Variants in HEATR3 observed in about 807,000 individuals in gnomAD.
HEATR3 encodes the protein HEAT repeat-containing protein 3.
In HEATR3, 56 loss-of-function variants were observed where a neutral mutation model predicts 72.8. The ratio of observed to expected loss-of-function variants is 0.77; its 90% CI spans 0.62 to 0.96. The LOEUF is 0.96. Among genes scored for constraint, HEATR3 ranks in the 40% least tolerant of loss-of-function variants. HEATR3 has a pLI of 0.00. For synonymous variants in HEATR3, 331 were observed against 318.1 expected (o/e 1.04, Z -0.43); for missense variants, 747 against 831.4 (o/e 0.90, Z 1.25).
At chr16:50,092,262 C>T (rs907605804) in intron 11 of HEATR3, among the ~76,000 whole-genome samples, 23 of 151,682 alleles carry the variant, frequency 1.5e-4, no homozygotes, top group African/African-American at 4.4e-4. Context: ...TGCTTGAGCC[C>T]GGGAGGTCCA....
At chr16:50,075,257 T>C (rs1328981520) in intron 5 of HEATR3, among the ~76,000 whole-genome samples, 2 of 144,350 alleles carry the variant, frequency 1.4e-5, no homozygotes, top group African/African-American at 5.2e-5. Flanking sequence ...GCAGAGGTTG[T>C]AGTGAGCTGA....
At chr16:50,095,940 C>T (rs886757902) in intron 12 of HEATR3, among the ~76,000 whole-genome samples, 6 of 152,208 alleles carry the variant, frequency 3.9e-5, no homozygotes, top group South Asian at 4.1e-4. Context: ...TCCAAATTAA[C>T]GGATATTTCT....
chr16:50,070,429 G>T (rs1344151611), intron 4 of HEATR3, 139 bp downstream of exon 4: 1 of 383,996 alleles, frequency 2.6e-6, no homozygotes, highest in African/African-American at 2.1e-5. Flanking sequence ...GCCGGACATG[G>T]TGGCTCATGC....
intron 7 of HEATR3, among the ~76,000 whole-genome samples, chr16:50,081,177 C>T (rs917065429): frequency 3.3e-5 from 5 of 152,162 alleles, no homozygotes; most frequent in African/African-American, 9.7e-5. Context: ...TGGTGGCTCA[C>T]GCCTATAATC....
chr16:50,080,904 C>T (rs186583335), intron 7 of HEATR3, among the ~76,000 whole-genome samples: 41 of 152,260 alleles, frequency 2.7e-4, no homozygotes, highest in African/African-American at 9.4e-4. Context: ...GATCTGAAAT[C>T]CCTTGCTGGG....
chr16:50,090,502 TATAAC>T (rs2150616801), intron 11 of HEATR3, among the ~76,000 whole-genome samples: 1 of 152,320 alleles, frequency 6.6e-6, no homozygotes, highest in Admixed American at 6.5e-5. Flanking sequence ...ATACAGTAGT[TATAAC>T]ATTTGTGATA....
At chr16:50,094,453 C>T (rs1017764689) in intron 11 of HEATR3, among the ~76,000 whole-genome samples, 2 of 152,206 alleles carry the variant, frequency 1.3e-5, no homozygotes, top group Non-Finnish European at 2.9e-5. Flanking sequence ...GTCTGGAAGT[C>T]AAGGACTGTC....
At chr16:50,102,149 C>G in intron 13 of HEATR3, 110 bp from the exon 14 acceptor site, 2 of 817,462 alleles carry the variant, frequency 2.4e-6, no homozygotes, top group Non-Finnish European at 1.9e-6. Flanking sequence ...TTTAATTTTT[C>G]CCTGGCATTT....
chr16:50,091,057 C>T (rs2037098210), intron 11 of HEATR3, among the ~76,000 whole-genome samples: 1 of 151,626 alleles, frequency 6.6e-6, no homozygotes, highest in Non-Finnish European at 1.5e-5. Flanking sequence ...GACAGGAGAA[C>T]TCCTTGAACC....
chr16:50,072,810 T>C (rs1567426808), intron 5 of HEATR3, 96 bp downstream of exon 5: 2 of 764,586 alleles, frequency 2.6e-6, no homozygotes, highest in Non-Finnish European at 4.6e-6. Context: ...GGAGTGATTT[T>C]TTGTTTCGTT....
At chr16:50,074,428 C>T (rs1401491025) in intron 5 of HEATR3, 1 of 151,924 alleles carries the variant, frequency 6.6e-6, no homozygotes, top group Non-Finnish European at 1.5e-5. Flanking sequence ...CAACCTCCGC[C>T]TCCCGGGTTC....
At chr16:50,085,772 A>G (rs1379443295) in intron 10 of HEATR3, among the ~76,000 whole-genome samples, 4 of 152,162 alleles carry the variant, frequency 2.6e-5, no homozygotes, top group Non-Finnish European at 5.9e-5. Flanking sequence ...AGTTCACCTT[A>G]TAATTCTAGC....
At position 50,086,363 on chromosome 16, in the gene HEATR3, T is replaced by C; in HGVS notation, c.1510+12T>C. The C allele has an allele frequency of 6.2e-7, 1 of 1,602,300 alleles. No homozygotes were observed. Among genetic ancestry groups the C allele is most frequent in the South Asian group, 1.1e-5 (1 of 89,010 alleles). On this transcript the variant is annotated intron_variant, in intron 11 of 14. Coordinates refer to ENST00000299192, the MANE Select transcript of HEATR3 (RefSeq NM_182922.4). ...TTTTTCTCAACCAGGTATTTAGACT[T>C]TATTGCGAAAGACTACGCAGACGGA...
At chr16:50,088,556 G>T (rs1174613340) in intron 11 of HEATR3, among the ~76,000 whole-genome samples, 1 of 152,210 alleles carries the variant, frequency 6.6e-6, no homozygotes, top group East Asian at 1.9e-4. Context: ...TCGTCAGTGT[G>T]AGCAGACCAG....
Position 50,066,035 on chromosome 16 carries a change from T to A in HEATR3, c.-97T>A. 8.4e-7 allele frequency: 1 copy of A among 1,189,328 alleles called. No homozygotes were observed. Among genetic ancestry groups the A allele is most frequent in the African/African-American group, 1.7e-5 (1 of 58,802 alleles). The allele number at this position is 1,189,328 out of a possible 1,614,324, so 73.7% of individuals were successfully genotyped here. Reference sequence around the variant, plus strand: ...TGCTGCAGCCGTCAGCCGGCCCAGCTGAGCAGCAGCAACGGACCTTGTTAA... The same window carrying A: ...TGCTGCAGCCGTCAGCCGGCCCAGCAGAGCAGCAGCAACGGACCTTGTTAA... On this transcript the variant is annotated 5_prime_UTR_variant, in exon 1 of 15. It removes the in-frame stop codon of an upstream open reading frame in the 5' UTR. Transcript: ENST00000299192.
intron 7 of HEATR3, among the ~76,000 whole-genome samples, chr16:50,080,970 G>T (rs1183416520): frequency 6.6e-6 from 1 of 152,174 alleles, no homozygotes; most frequent in Non-Finnish European, 1.5e-5. Flanking sequence ...TGCTTCCAAG[G>T]ACCTTCTACA....
Position 50,072,600 on chromosome 16 carries a change from T to G in HEATR3, c.513-5T>G. 2.5e-6 allele frequency: 4 copies of G among 1,578,198 alleles called. No individual in the cohort carries two copies. The highest frequency in any genetic ancestry group is 3.5e-6 in the Non-Finnish European group (4 of 1,149,510). ...GTAAAACTTTTTTTTCCCCCTTCAA[T>G]TTAGTGAATGCAGTAGTAGAGCAGT... On this transcript the variant is annotated splice_polypyrimidine_tract_variant and splice_region_variant and intron_variant, in intron 4 of 14. Coordinates refer to ENST00000299192, the MANE Select transcript of HEATR3 (RefSeq NM_182922.4).
In HEATR3 at chr16:50,066,444, C is replaced by A; in HGVS notation, c.216C>A (p.Leu72=). 1 of 1,416,528 alleles carries A rather than the reference C, an allele frequency of 7.1e-7. No homozygotes were observed. Among genetic ancestry groups the A allele is most frequent in the Admixed American group, 3.4e-5 (1 of 29,688 alleles). 87.7% of individuals were successfully genotyped at this position (1,416,528 alleles called of 1,614,324 possible). The part of the protein sequence containing the change: ...LARLVQQRPA[L]PGLARRDAVR... ...GGCTGGTGCAGCAGCGGCCGGCACTCCCGGGCCTGGCGCGACGAGACGCCG... is the reference window on the plus strand; with the variant it reads ...GGCTGGTGCAGCAGCGGCCGGCACTACCGGGCCTGGCGCGACGAGACGCCG... The change falls in exon 2 of 15, where the codon CTC becomes CTA. Residue 72 remains leucine, a synonymous_variant. Coordinates refer to ENST00000299192, the MANE Select transcript of HEATR3 (RefSeq NM_182922.4).
rs1399457797 is a variant in HEATR3, at chr16:50,066,211, C to T, written c.80C>T (p.Ala27Val). ...GACTGTCAGGCCGAGGCGGCTGCGG[C>T]GGCGAATGGGACCGGAGGCGAGGAG... Reference protein sequence around the residue: ...TGDCQAEAAAAANGTGGEEDD... With the variant: ...TGDCQAEAAAVANGTGGEEDD... Residue 27 changes from alanine (A) to valine (V), a missense_variant, in exon 1 of 15, where the codon GCG becomes GTG. Physicochemically the swap from Ala to Val is moderately conservative, Grantham distance 64. This residue lies in a region of HEATR3 where 161 missense variants were observed against 122.6 expected (regional missense o/e 1.31). Coordinates refer to ENST00000299192, the MANE Select transcript of HEATR3 (RefSeq NM_182922.4). The T allele has an allele frequency of 3.8e-6, 6 of 1,579,234 alleles. No individual in the cohort carries two copies. Among genetic ancestry groups the T allele is most frequent in the Admixed American group, 3.7e-5 (2 of 54,570 alleles).
Sources: allele counts gnomAD v4.1 joint callset (sites outside exome capture counted in the v4.1 genomes callset), GRCh38; gene constraint gnomAD v4.1.1; regional missense constraint gnomAD v4.1.1; transcripts MANE v1.5; gene names NCBI Gene and HGNC (gene_info 2026-07-23, HGNC 2026-07-21).